MINDY4: variants seen among roughly 807,000 people sequenced by gnomAD.
MINDY4 encodes probable ubiquitin carboxyl-terminal hydrolase MINDY-4.
MINDY4 carries 68 observed loss-of-function variants against 87.0 expected under a neutral mutation model. That is an observed-to-expected ratio of 0.78 (90% CI 0.64 to 0.96). The LOEUF (loss-of-function observed/expected upper bound fraction) is 0.96, where lower values mean the gene tolerates loss of function less well. MINDY4 is among the 40% of genes least tolerant of loss of function. MINDY4 has a pLI of 0.00. For synonymous variants in MINDY4, 379 were observed against 363.2 expected, an observed-to-expected ratio of 1.04 and a Z score of -0.50; for missense variants, 919 against 928.2, an observed-to-expected ratio of 0.99 and a Z score of 0.13.
At chr7:30,842,806 C>A (rs1285801023) in intron 9 of MINDY4, among the ~76,000 whole-genome samples, 1 of 152,148 alleles carries the variant, frequency 6.6e-6, no homozygotes, top group Non-Finnish European at 1.5e-5. Context: ...CTCTTATTCC[C>A]CCTCAAATTG....
At chr7:30,836,600 A>G in intron 6 of MINDY4, 58 bp from the exon 7 acceptor site, 1 of 1,369,790 alleles carries the variant, frequency 7.3e-7, no homozygotes, top group Non-Finnish European at 1.0e-6. Context: ...CAGTGACTTC[A>G]TGTTCTGTTC....
chr7:30,878,396 G>T (rs1562564544), intron 15 of MINDY4, among the ~76,000 whole-genome samples: 1 of 152,124 alleles, frequency 6.6e-6, no homozygotes, highest in Non-Finnish European at 1.5e-5. Context: ...CTCTGAGCTG[G>T]AGAAACTCAC....
At chr7:30,793,681 G>A (rs565290404) in intron 5 of MINDY4, among the ~76,000 whole-genome samples, 2 of 152,136 alleles carry the variant, frequency 1.3e-5, no homozygotes, top group Non-Finnish European at 2.9e-5. Flanking sequence ...GTGGGCCCAG[G>A]GCAGGTATTC....
Position 30,785,826 on chromosome 7 carries a change from A to G in MINDY4, c.497A>G (p.Gln166Arg), listed in dbSNP as rs1410809767. The G allele has an allele frequency of 1.2e-6, 2 of 1,614,126 alleles. No individual in the cohort carries two copies. The highest frequency in any genetic ancestry group is 2.7e-5 in the African/African-American group (2 of 74,942). Residue 166 changes from glutamine to arginine, a missense_variant, in exon 4 of 18, where the codon CAG (glutamine) becomes CGG (arginine). Transcript: ENST00000265299. ...KRPPHKSKPMQTVPGETPVLT... is the reference protein window; with the variant it reads ...KRPPHKSKPMRTVPGETPVLT... The stretch of plus-strand genomic sequence containing the variant: ...CCCCCGCACAAAAGTAAGCCCATGC[A>G]GACGGTCCCGGGTGAAACTCCTGTG...
intron 15 of MINDY4, among the ~76,000 whole-genome samples, chr7:30,879,553 G>A (rs184702588): frequency 9.2e-5 from 14 of 152,112 alleles, no homozygotes; most frequent in African/African-American, 3.4e-4. Context: ...ACCTCAGCCC[G>A]CACCACTCTC....
At chr7:30,773,033 G>T (rs923824897) in intron 1 of MINDY4, among the ~76,000 whole-genome samples, 8 of 150,506 alleles carry the variant, frequency 5.3e-5, no homozygotes, top group Admixed American at 4.6e-4. Flanking sequence ...CCTCTCCCTC[G>T]CATGTTTTAT....
intron 5 of MINDY4, among the ~76,000 whole-genome samples, chr7:30,801,602 T>C (rs1787652134): frequency 6.6e-6 from 1 of 151,996 alleles, no homozygotes; most frequent in African/African-American, 2.4e-5. Flanking sequence ...ATTGCTGGCC[T>C]CCTGAAAGTA....
intron 12 of MINDY4, 58 bp downstream of exon 12, chr7:30,853,517 G>C (rs2128571842): frequency 7.1e-7 from 1 of 1,411,760 alleles, no homozygotes; most frequent in Non-Finnish European, 9.9e-7. Context: ...TGATTTCACT[G>C]TGGGAACAAT....
intron 9 of MINDY4, 30 bp downstream of exon 9, chr7:30,840,878 T>C (rs995357111): frequency 6.3e-6 from 10 of 1,592,474 alleles, no homozygotes; most frequent in Admixed American, 5.1e-5. Context: ...GGCAATATCT[T>C]ATTTTCCCAA....
At chr7:30,862,884 C>CG (rs1789809998) in intron 13 of MINDY4, among the ~76,000 whole-genome samples, 1 of 151,670 alleles carries the variant, frequency 6.6e-6, no homozygotes, top group Non-Finnish European at 1.5e-5. Flanking sequence ...AAAACAAAAT[C>CG]TGATTTTTTT....
intron 5 of MINDY4, among the ~76,000 whole-genome samples, chr7:30,827,376 G>C (rs552820739): frequency 6.6e-6 from 1 of 152,274 alleles, no homozygotes; most frequent in South Asian, 2.1e-4. Context: ...CAGAGCAGGC[G>C]GAGGTGGGAG....
At chr7:30,803,998 A>G (rs1414662452) in intron 5 of MINDY4, among the ~76,000 whole-genome samples, 2 of 152,236 alleles carry the variant, frequency 1.3e-5, no homozygotes, top group Non-Finnish European at 2.9e-5. Flanking sequence ...GCCAAATCCC[A>G]TTCAGTCCTG....
At chr7:30,779,751 C>T (rs1010690387) in intron 2 of MINDY4, 1 of 152,134 alleles carries the variant, frequency 6.6e-6, no homozygotes, top group Non-Finnish European at 1.5e-5. Context: ...TTTTGATTCC[C>T]AATTCTATTG....
At chr7:30,797,855 A>C (rs1226497737) in intron 5 of MINDY4, among the ~76,000 whole-genome samples, 4 of 152,150 alleles carry the variant, frequency 2.6e-5, no homozygotes, top group Non-Finnish European at 5.9e-5. Context: ...GCATCAGGGA[A>C]ATGGCAGTGA....
intron 9 of MINDY4, among the ~76,000 whole-genome samples, chr7:30,841,500 C>A (rs1040499614): frequency 4.0e-4 from 61 of 152,298 alleles, no homozygotes; most frequent in African/African-American, 1.4e-3. Context: ...AAAGGATTGG[C>A]AGGGCACTGG....
intron 17 of MINDY4, among the ~76,000 whole-genome samples, chr7:30,883,454 G>A (rs1354614394): frequency 6.6e-6 from 1 of 152,170 alleles, no homozygotes; most frequent in Admixed American, 6.5e-5. Context: ...GGAGGAGCCG[G>A]AGGAGCAGCT....
intron 15 of MINDY4, 88 bp downstream of exon 15, chr7:30,875,744 C>T: frequency 7.0e-7 from 1 of 1,427,642 alleles, no homozygotes; most frequent in Non-Finnish European, 9.5e-7. Flanking sequence ...AGCTGGACTC[C>T]ACTTCTCAGA....
intron 5 of MINDY4, among the ~76,000 whole-genome samples, chr7:30,795,178 C>G (rs908816712): frequency 3.3e-5 from 5 of 152,180 alleles, no homozygotes; most frequent in Non-Finnish European, 5.9e-5. Context: ...GCCACATGGA[C>G]ACTCCTACAG....
chr7:30,831,099 G>A (rs1035773506), intron 6 of MINDY4, among the ~76,000 whole-genome samples: 1 of 152,192 alleles, frequency 6.6e-6, no homozygotes, highest in Non-Finnish European at 1.5e-5. Flanking sequence ...AAGCTTAGAT[G>A]TTGGGATACT....
Sources: gnomAD v4.1 joint callset for allele counts (sites outside exome capture counted in the v4.1 genomes callset) on GRCh38, gnomAD v4.1.1 for gene constraint, MANE v1.5 for transcripts, NCBI Gene and HGNC (gene_info 2026-07-23, HGNC 2026-07-21) for gene names.